The following SH3RF3 variants were observed in gnomAD, a reference collection of about 807,000 sequenced individuals.
SH3RF3 encodes SH3 domain containing ring finger 3, also known as E3 ubiquitin-protein ligase SH3RF3.
In SH3RF3, 29 loss-of-function variants were observed where a neutral mutation model predicts 66.3. That is an observed-to-expected ratio of 0.44 (90% CI 0.33 to 0.60). The LOEUF is 0.60. Among genes scored for constraint, SH3RF3 ranks in the 20% least tolerant of loss-of-function variants. SH3RF3 has a pLI of 0.04. For missense variants in SH3RF3, 1,194 were observed against 1,190.9 expected (o/e 1.00, Z -0.04); for synonymous variants, 583 against 532.0 (o/e 1.10, Z -1.32).
intron 8 of SH3RF3, among the ~76,000 whole-genome samples, chr2:109,472,095 A>T (rs1678531389): frequency 6.6e-6 from 1 of 152,144 alleles, no homozygotes; most frequent in African/African-American, 2.4e-5. Flanking sequence ...TCTAATTATT[A>T]ATTAGATTGT....
chr2:109,231,930 T>C (rs1439107456), intron 1 of SH3RF3, among the ~76,000 whole-genome samples: 2 of 152,258 alleles, frequency 1.3e-5, no homozygotes, highest in Non-Finnish European at 2.9e-5. Flanking sequence ...AGGCTTGCAG[T>C]ATATTCACAG....
intron 8 of SH3RF3, among the ~76,000 whole-genome samples, chr2:109,487,011 A>C (rs571816014): frequency 6.6e-6 from 1 of 152,178 alleles, no homozygotes; most frequent in African/African-American, 2.4e-5. Context: ...GATCCCCCCA[A>C]CAGAGAGGAG....
chr2:109,186,869 T>C (rs1678201338), intron 1 of SH3RF3, among the ~76,000 whole-genome samples: 2 of 152,194 alleles, frequency 1.3e-5, no homozygotes, highest in South Asian at 4.1e-4. Context: ...TCATTTTCAG[T>C]AAATGTGTGA....
intron 9 of SH3RF3, among the ~76,000 whole-genome samples, chr2:109,493,352 A>G (rs977434115): frequency 3.5e-5 from 3 of 84,620 alleles, no homozygotes; most frequent in Non-Finnish European, 7.7e-5. Flanking sequence ...TACGTCATAC[A>G]AACAGACACA....
intron 1 of SH3RF3, among the ~76,000 whole-genome samples, chr2:109,181,528 A>G (rs552665180): frequency 6.6e-6 from 1 of 152,296 alleles, no homozygotes; most frequent in Non-Finnish European, 1.5e-5. Context: ...AAAAGTACCC[A>G]AAAGTTTCTT....
intron 8 of SH3RF3, among the ~76,000 whole-genome samples, chr2:109,489,017 C>T (rs1479721134): frequency 1.3e-5 from 2 of 152,234 alleles, no homozygotes; most frequent in African/African-American, 4.8e-5. Flanking sequence ...AAAGCAGGAA[C>T]AGCTGACCTC....
chr2:109,188,494 G>GT (rs1678255077), intron 1 of SH3RF3, among the ~76,000 whole-genome samples: 1 of 152,204 alleles, frequency 6.6e-6, no homozygotes, highest in South Asian at 2.1e-4. Flanking sequence ...TTGTCCCTGG[G>GT]TTTGGCTCTT....
At chr2:109,489,708 G>T (rs1386702430) in intron 8 of SH3RF3, among the ~76,000 whole-genome samples, 1 of 138,628 alleles carries the variant, frequency 7.2e-6, no homozygotes, top group African/African-American at 2.7e-5. Context: ...GGAAGAGAAA[G>T]GAAAACAAGT....
At chr2:109,132,072 C>G (rs1209008955) in intron 1 of SH3RF3, among the ~76,000 whole-genome samples, 1 of 152,118 alleles carries the variant, frequency 6.6e-6, no homozygotes, top group Non-Finnish European at 1.5e-5. Context: ...ACTTTACTGT[C>G]CATTGGAATT....
At chr2:109,144,318 C>T (rs1677041652) in intron 1 of SH3RF3, among the ~76,000 whole-genome samples, 1 of 152,056 alleles carries the variant, frequency 6.6e-6, no homozygotes, top group African/African-American at 2.4e-5. Context: ...GTCTGTTATA[C>T]CTCAATAAAA....
intron 4 of SH3RF3, among the ~76,000 whole-genome samples, chr2:109,408,964 G>C (rs1049520742): frequency 2.6e-5 from 4 of 152,174 alleles, no homozygotes; most frequent in Non-Finnish European, 5.9e-5. Flanking sequence ...TAGAAGAAAG[G>C]CTCCAGGGCA....
chr2:109,303,494 T>A (rs1681520375), intron 1 of SH3RF3, among the ~76,000 whole-genome samples: 1 of 152,208 alleles, frequency 6.6e-6, no homozygotes, highest in African/African-American at 2.4e-5. Flanking sequence ...TGAAAATATT[T>A]TCAGGCCTAG....
rs971309008 is a variant in SH3RF3, at chr2:109,251,437, C to T, written c.574-96237C>T. The T allele has an allele frequency of 8.4e-6, 6 of 714,528 alleles. No individual in the cohort carries two copies. In the African/African-American group the frequency reaches 8.7e-5, roughly 10 times the overall value. 44.3% of individuals were successfully genotyped at this position (714,528 alleles called of 1,614,324 possible). On this transcript the variant is annotated intron_variant, in intron 1 of 9. Coordinates refer to ENST00000309415, the MANE Select transcript of SH3RF3 (RefSeq NM_001099289.3). Reference sequence around the variant, plus strand: ...AGTAGACACCATGAGCAAAGCTCACCCTCCCGAGTTGAAAAAATCTATGGA... The same window carrying T: ...AGTAGACACCATGAGCAAAGCTCACTCTCCCGAGTTGAAAAAATCTATGGA...
intron 8 of SH3RF3, among the ~76,000 whole-genome samples, chr2:109,467,536 A>G (rs1195181261): frequency 6.6e-6 from 1 of 152,226 alleles, no homozygotes; most frequent in African/African-American, 2.4e-5. Flanking sequence ...GGGCAGCGGC[A>G]ATGCACATCG....
rs1425830651 is a variant in SH3RF3 at position 109,142,054 on chromosome 2, T to C, written c.573+11941T>C. ...GTCCTTGAGTCTCCTGGGGGGGGGG[T>C]CTCAGGTATGTGCCTAGAACTTCTG... On this transcript the variant is annotated intron_variant, in intron 1 of 9. Coordinates refer to ENST00000309415, the MANE Select transcript of SH3RF3 (RefSeq NM_001099289.3). Among the ~76,000 whole-genome samples the C allele has an allele frequency of 6.2e-5, 8 of 129,976 alleles. No homozygotes were observed. The South Asian group carries it at 1.6e-3, about 25-fold the overall frequency. 85.3% of individuals were successfully genotyped at this position (129,976 alleles called of 152,430 possible).
chr2:109,398,700 C>G lies in SH3RF3; in HGVS notation c.1056C>G (p.Ala352=). The change falls in exon 4 of 10, where the codon GCC becomes GCG. Residue 352 remains alanine (A), a synonymous_variant. Coordinates refer to ENST00000309415, the MANE Select transcript of SH3RF3 (RefSeq NM_001099289.3). ...PSDSGAVASV[A]PSPTLSSSGA... ...ACTCCGGCGCTGTGGCCAGCGTGGCCCCAAGTCCCACTTTAAGCAGCTCAG... is the reference window on the plus strand; with the variant it reads ...ACTCCGGCGCTGTGGCCAGCGTGGCGCCAAGTCCCACTTTAAGCAGCTCAG... 6.2e-7 allele frequency: 1 copy of G among 1,612,072 alleles called. No individual in the cohort carries two copies.
chr2:109,131,245 A>G (rs1285771046), intron 1 of SH3RF3, among the ~76,000 whole-genome samples: 1 of 152,052 alleles, frequency 6.6e-6, no homozygotes, highest in African/African-American at 2.4e-5. Context: ...ACTTTGCTGC[A>G]ATGGGTTTTT....
intron 1 of SH3RF3, among the ~76,000 whole-genome samples, chr2:109,282,113 G>A (rs1680909240): frequency 6.6e-6 from 1 of 152,146 alleles, no homozygotes; most frequent in African/African-American, 2.4e-5. Context: ...CTGGCTCAGG[G>A]AAGGTGGGCT....
chr2:109,177,080 G>A (rs1252744642), intron 1 of SH3RF3, among the ~76,000 whole-genome samples: 2 of 152,194 alleles, frequency 1.3e-5, no homozygotes, highest in African/African-American at 2.4e-5. Flanking sequence ...TCCAGAGTCT[G>A]AGACAATAAG....
Sources: gnomAD v4.1 joint callset for allele counts (sites outside exome capture counted in the v4.1 genomes callset) on GRCh38, gnomAD v4.1.1 for gene constraint, MANE v1.5 for transcripts, NCBI Gene and HGNC (gene_info 2026-07-23, HGNC 2026-07-21) for gene names.